VAV1: variants seen among roughly 807,000 people sequenced by gnomAD.
VAV1 encodes the protein vav guanine nucleotide exchange factor 1.
A neutral mutation model predicts 128.1 loss-of-function variants in VAV1; 33 were observed. That is an observed-to-expected ratio of 0.26 (90% CI 0.20 to 0.34). The LOEUF is 0.34. VAV1 is among the 10% of genes least tolerant of loss of function. The pLI is 1.00. For missense variants in VAV1, 715 were observed against 1,093.7 expected, an observed-to-expected ratio of 0.65 and a Z score of 4.88; for synonymous variants, 394 against 409.8, an observed-to-expected ratio of 0.96 and a Z score of 0.47.
In VAV1 at chr19:6,850,685, C is replaced by G; in HGVS notation, c.2145C>G (p.Val715=). The change falls in exon 24 of 27, where the codon GTC becomes GTG. Residue 715 remains valine (V), a synonymous_variant. Transcript: ENST00000602142. ...CTGGTTCCAGATATAACGTCGAGGT[C>G]AAGCACATTAAAATCATGACAGCAG... The part of the protein sequence containing the change: ...FAISIKYNVE[V]KHIKIMTAEG... 1.2e-6 allele frequency: 2 copies of G among 1,614,052 alleles called. No homozygotes were observed. Among genetic ancestry groups the G allele is most frequent in the Non-Finnish European group, 1.7e-6 (2 of 1,179,998 alleles).
At position 6,772,788 on chromosome 19, in the gene VAV1, G is replaced by A. The variant is rs560965390; in HGVS notation, c.-20G>A. ...TGGAGGCTGCGAGGGTGCACGGCCG[G>A]CCCTGGGCAGGCGGTAGCCATGGAG... On this transcript the variant is annotated 5_prime_UTR_variant, in exon 1 of 27. Transcript: ENST00000602142. This position sits in a 1 kb window ranked among gnomAD's most constrained non-coding sequence, Gnocchi z 4.8. The A allele has an allele frequency of 6.2e-7, 1 of 1,609,474 alleles. No homozygotes were observed. The highest frequency in any genetic ancestry group is 1.3e-5 in the African/African-American group (1 of 74,962).
intron 1 of VAV1, among the ~76,000 whole-genome samples, chr19:6,778,729 A>AAAC (rs1970697556): frequency 6.6e-6 from 1 of 152,012 alleles, no homozygotes; most frequent in African/African-American, 2.4e-5. Context: ...TTGTCTCAAA[A>AAAC]AACAAAACAA....
chr19:6,803,765 A>T (rs1971324676), intron 1 of VAV1, among the ~76,000 whole-genome samples: 1 of 152,074 alleles, frequency 6.6e-6, no homozygotes. Context: ...GGATTTCACC[A>T]TGTTGGCCAG....
At chr19:6,802,515 C>A (rs1010203874) in intron 1 of VAV1, among the ~76,000 whole-genome samples, 8 of 152,062 alleles carry the variant, frequency 5.3e-5, no homozygotes, top group African/African-American at 1.9e-4. Context: ...ATCATGCCCC[C>A]TTTCCCCTCT....
Position 6,794,035 on chromosome 19 carries a change from C to T in VAV1, c.204+21024C>T, listed in dbSNP as rs184754719. Reference sequence around the variant, plus strand: ...AATGATTTATTTACCAATAAACCAACGGTAAATGATTTATTTACCAATAAA... The same window carrying T: ...AATGATTTATTTACCAATAAACCAATGGTAAATGATTTATTTACCAATAAA... On this transcript the variant is annotated intron_variant, in intron 1 of 26. Coordinates refer to ENST00000602142, the MANE Select transcript of VAV1 (RefSeq NM_005428.4). Among the ~76,000 whole-genome samples the T allele has an allele frequency of 4.9e-3, 704 of 143,498 alleles. 119 individuals carry two copies. Among genetic ancestry groups the T allele is most frequent in the African/African-American group, 0.017 (635 of 37,510 alleles). The allele number at this position is 143,498 out of a possible 152,430, so 94.1% of individuals were successfully genotyped here.
At chr19:6,835,252 T>C (rs190085968) in intron 19 of VAV1, among the ~76,000 whole-genome samples, 1 of 149,546 alleles carries the variant, frequency 6.7e-6, no homozygotes, top group Non-Finnish European at 1.5e-5. Context: ...CACACACGTA[T>C]TTTATTGAGA....
At chr19:6,819,534 C>T (rs993694606) in intron 1 of VAV1, among the ~76,000 whole-genome samples, 2 of 152,192 alleles carry the variant, frequency 1.3e-5, no homozygotes, top group African/African-American at 4.8e-5. Flanking sequence ...TAGTGTGGAA[C>T]AGTATTTTGC....
intron 19 of VAV1, among the ~76,000 whole-genome samples, chr19:6,834,725 A>G (rs1319891821): frequency 6.8e-6 from 1 of 146,838 alleles, no homozygotes. Context: ...TCTTTTTTTT[A>G]TTTTTAGAGG....
chr19:6,844,063 CTTTTTTTTTTTTTTTTTTTTTTTTTTT>C (rs71177123), intron 22 of VAV1, among the ~76,000 whole-genome samples: 8 of 21,328 alleles, frequency 3.8e-4, no homozygotes, highest in South Asian at 2.4e-3. Flanking sequence ...TCTTCTTCTT[CTTTTTTTTTTTTTTTTTTTTTTTTTTT>C]TTTTTTTTTT....
intron 1 of VAV1, among the ~76,000 whole-genome samples, chr19:6,819,799 CAG>C (rs1291311622): frequency 6.6e-6 from 1 of 152,188 alleles, no homozygotes; most frequent in Non-Finnish European, 1.5e-5. Context: ...TGGGGAACCT[CAG>C]AGAGTGCTGA....
rs544437888 is a variant in VAV1 at position 6,830,913 on chromosome 19, T to A, written c.1398+995T>A. Among the ~76,000 whole-genome samples the A allele has an allele frequency of 1.2e-4, 18 of 151,804 alleles. 1 individual carries two copies. The South Asian group carries it at 3.5e-3, about 30-fold the overall frequency. ...GATCAGCCTGGGCAACATAGGGAGA[T>A]CCCCGTCTCTACAAAACATAAAAAA... is the stretch of plus-strand genomic sequence containing the variant. On this transcript the variant is annotated intron_variant, in intron 14 of 26. Transcript: ENST00000602142.
chr19:6,821,718 G>C, intron 3 of VAV1, 38 bp downstream of exon 3: 2 of 1,614,030 alleles, frequency 1.2e-6, no homozygotes, highest in Non-Finnish European at 1.7e-6. Context: ...TTTAGCCCCA[G>C]TCCTCCCCCT....
chr19:6,832,497 C>T (rs558809245), intron 15 of VAV1, among the ~76,000 whole-genome samples: 2 of 150,306 alleles, frequency 1.3e-5, no homozygotes, highest in African/African-American at 2.4e-5. Context: ...CCTCCTCTTT[C>T]TCCTTCTCCT....
intron 26 of VAV1, among the ~76,000 whole-genome samples, chr19:6,856,152 C>T (rs770820908): frequency 1.3e-5 from 2 of 152,116 alleles, no homozygotes; most frequent in Non-Finnish European, 2.9e-5. Context: ...AAAAAATTAG[C>T]TGGGCATTGT....
At chr19:6,779,940 T>C (rs571587057) in intron 1 of VAV1, among the ~76,000 whole-genome samples, 2 of 148,882 alleles carry the variant, frequency 1.3e-5, no homozygotes, top group East Asian at 3.9e-4. Context: ...TGAAACCCCG[T>C]CTCTACTAAA....
rs1971824131 is a variant in VAV1, at chr19:6,822,713, T to A, written c.654+199T>A. On this transcript the variant is annotated intron_variant, in intron 6 of 26. Transcript: ENST00000602142. This position sits in a 1 kb window ranked among gnomAD's most constrained non-coding sequence, Gnocchi z 5.9. ...ATATGAGTCTGACGTATATATATAT[T>A]AAAAAATATATATAAAATATAGGAC... is the stretch of plus-strand genomic sequence containing the variant. Among the ~76,000 whole-genome samples the A allele has an allele frequency of 6.7e-6, 1 of 148,674 alleles. No homozygotes were observed. Among genetic ancestry groups the A allele is most frequent in the Admixed American group, 6.7e-5 (1 of 14,894 alleles).
intron 1 of VAV1, among the ~76,000 whole-genome samples, chr19:6,812,553 G>A (rs556360632): frequency 2.0e-5 from 3 of 152,166 alleles, no homozygotes; most frequent in East Asian, 1.9e-4. Flanking sequence ...CCAGCTGTTC[G>A]AGAGGCTGAG....
intron 20 of VAV1, 116 bp from the exon 21 acceptor site, chr19:6,836,848 ACACACACACACACACACACAC>A: frequency 3.2e-5 from 2 of 61,564 alleles, no homozygotes; most frequent in South Asian, 4.4e-4. Flanking sequence ...ACACACACAC[ACACACACACACACACACACAC>A]ACACACACAC....
At chr19:6,805,967 C>G (rs929797570) in intron 1 of VAV1, among the ~76,000 whole-genome samples, 1 of 152,098 alleles carries the variant, frequency 6.6e-6, no homozygotes, top group Non-Finnish European at 1.5e-5. Flanking sequence ...CTAACAAGGT[C>G]TGGTGTTCCA....
Sources: allele counts gnomAD v4.1 joint callset (sites outside exome capture counted in the v4.1 genomes callset), GRCh38; gene constraint gnomAD v4.1.1; non-coding constraint Gnocchi (gnomAD v3.1); transcripts MANE v1.5; gene names NCBI Gene and HGNC (gene_info 2026-07-23, HGNC 2026-07-21).